Variants in NRXN1 observed in about 807,000 individuals in gnomAD.
NRXN1 encodes the protein neurexin-1.
Under a neutral mutation model 150.9 loss-of-function variants are expected in NRXN1, and 39 were observed. The observed-to-expected ratio is 0.26, with a 90% CI of 0.20 to 0.34. NRXN1 has a LOEUF of 0.34. Among genes scored for constraint, NRXN1 ranks in the 10% least tolerant of loss-of-function variants. NRXN1 has a pLI of 1.00. For missense variants in NRXN1, 1,815 were observed against 1,949.9 expected (o/e 0.93, Z 1.30); for synonymous variants, 924 against 757.0 (o/e 1.22, Z -3.62).
chr2:50,978,300 ATATAT>A (rs1324839231), intron 2 of NRXN1, among the ~76,000 whole-genome samples: 14 of 131,890 alleles, frequency 1.1e-4, no homozygotes, highest in African/African-American at 3.5e-4. Context: ...ATATATATAT[ATATAT>A]AAAATATATA....
chr2:50,504,970 A>T (rs2092144673), intron 13 of NRXN1, among the ~76,000 whole-genome samples: 1 of 152,174 alleles, frequency 6.6e-6, no homozygotes, highest in African/African-American at 2.4e-5. Context: ...TTTAAACAAT[A>T]CCCAAAACCA....
At chr2:50,062,594 G>A (rs1694719968) in intron 19 of NRXN1, among the ~76,000 whole-genome samples, 1 of 152,028 alleles carries the variant, frequency 6.6e-6, no homozygotes, top group South Asian at 2.1e-4. Context: ...TAATTACAAA[G>A]AATCAAGGTA....
intron 15 of NRXN1, among the ~76,000 whole-genome samples, chr2:50,477,164 G>C (rs2090058727): frequency 6.6e-6 from 1 of 152,042 alleles, no homozygotes; most frequent in Non-Finnish European, 1.5e-5. Flanking sequence ...GAAGAGAGGA[G>C]TTTTCAGTTA....
chr2:50,465,372 T>G, intron 17 of NRXN1, 70 bp downstream of exon 17: 1 of 1,459,374 alleles, frequency 6.9e-7, no homozygotes. Context: ...CTTTCAGTGT[T>G]AGACTTTAGA....
chr2:50,804,188 A>T (rs548403354), intron 5 of NRXN1, among the ~76,000 whole-genome samples: 1 of 152,290 alleles, frequency 6.6e-6, no homozygotes, highest in East Asian at 1.9e-4. Flanking sequence ...AAATTTTCAA[A>T]TTTTATTAAT....
intron 18 of NRXN1, among the ~76,000 whole-genome samples, chr2:50,131,517 T>C (rs567923521): frequency 2.0e-5 from 3 of 152,294 alleles, no homozygotes; most frequent in Middle Eastern, 3.4e-3. Flanking sequence ...ATGGACCTTG[T>C]CTTGTACATC....
At chr2:50,963,915 T>TTTAATGA (rs1275563815) in intron 2 of NRXN1, 2 of 380,120 alleles carry the variant, frequency 5.3e-6, no homozygotes, top group Non-Finnish European at 1.0e-5. Flanking sequence ...TGAATTATGG[T>TTTAATGA]ATCCTTGCAC....
At chr2:50,155,609 G>T (rs2152778303) in intron 18 of NRXN1, among the ~76,000 whole-genome samples, 1 of 151,544 alleles carries the variant, frequency 6.6e-6, no homozygotes, top group Non-Finnish European at 1.5e-5. Context: ...CTTTAAGATT[G>T]GATAGTATTT....
chr2:50,735,933 C>T (rs140693641), intron 5 of NRXN1, among the ~76,000 whole-genome samples: 47 of 152,278 alleles, frequency 3.1e-4, no homozygotes, highest in African/African-American at 1.1e-3. Flanking sequence ...TTTTAATGGG[C>T]TCTCAGACAT....
At chr2:50,840,528 A>C (rs1672720160) in intron 5 of NRXN1, among the ~76,000 whole-genome samples, 1 of 152,058 alleles carries the variant, frequency 6.6e-6, no homozygotes, top group African/African-American at 2.4e-5. Context: ...TCAAGGAAAA[A>C]CACGTCTCGG....
At position 50,327,470 on chromosome 2, in the gene NRXN1, T is replaced by C. The variant is rs183662777; in HGVS notation, c.3365-90500A>G. On this transcript the variant is annotated intron_variant, in intron 17 of 22. Coordinates refer to ENST00000401669, the MANE Select transcript of NRXN1 (RefSeq NM_001330078.2). ...TGTGGGTAGTAAACACATGTGGGTA[T>C]ATATAGGTTAAAATTATTCCACTGA... is the stretch of plus-strand genomic sequence containing the variant. 2.8e-3 allele frequency among the ~76,000 whole-genome samples: 433 copies of C among 152,256 alleles called. 2 individuals carry two copies. Among genetic ancestry groups the C allele is most frequent in the Admixed American group, 4.8e-3 (73 of 15,278 alleles).
chr2:50,440,643 A>G (rs1469458526), intron 17 of NRXN1, among the ~76,000 whole-genome samples: 2 of 151,524 alleles, frequency 1.3e-5, no homozygotes, highest in African/African-American at 4.9e-5. Context: ...TGAACAAAGA[A>G]CTCCTCCTTC....
At chr2:50,016,617 G>A (rs1573426856) in intron 21 of NRXN1, 1 of 152,126 alleles carries the variant, frequency 6.6e-6, no homozygotes, top group South Asian at 2.1e-4. Context: ...GGAAATGCCA[G>A]ATGCTTATAA....
chr2:50,384,539 A>T (rs1211446391), intron 17 of NRXN1, among the ~76,000 whole-genome samples: 1 of 146,736 alleles, frequency 6.8e-6, no homozygotes, highest in Non-Finnish European at 1.5e-5. Context: ...AAAAAAATGC[A>T]TCCTCTACAT....
At chr2:50,024,784 C>A (rs1688046240) in intron 21 of NRXN1, among the ~76,000 whole-genome samples, 1 of 151,986 alleles carries the variant, frequency 6.6e-6, no homozygotes, top group South Asian at 2.1e-4. Flanking sequence ...TTGACTACTT[C>A]TTGAATTTTT....
intron 5 of NRXN1, among the ~76,000 whole-genome samples, chr2:50,746,244 C>G (rs140332384): frequency 3.2e-4 from 49 of 152,084 alleles, no homozygotes; most frequent in African/African-American, 1.2e-3. Flanking sequence ...GGCTGGTGAG[C>G]AAGCGTACTA....
intron 5 of NRXN1, among the ~76,000 whole-genome samples, chr2:50,711,453 A>G (rs1444613164): frequency 6.7e-6 from 1 of 149,618 alleles, no homozygotes; most frequent in African/African-American, 2.5e-5. Flanking sequence ...CTCCTGTCTC[A>G]GCCTCCTGAG....
At chr2:50,456,878 T>A (rs2087618491) in intron 17 of NRXN1, among the ~76,000 whole-genome samples, 1 of 152,138 alleles carries the variant, frequency 6.6e-6, no homozygotes, top group African/African-American at 2.4e-5. Context: ...AACAACTGTA[T>A]AAAGAATAAA....
chr2:50,515,384 T>C (rs1379705079), intron 12 of NRXN1, among the ~76,000 whole-genome samples: 1 of 152,166 alleles, frequency 6.6e-6, no homozygotes, highest in African/African-American at 2.4e-5. Flanking sequence ...ATAAGGTGGA[T>C]GATACATGTA....
Sources: gnomAD v4.1 joint callset for allele counts (sites outside exome capture counted in the v4.1 genomes callset) on GRCh38, gnomAD v4.1.1 for gene constraint, MANE v1.5 for transcripts, NCBI Gene and HGNC (gene_info 2026-07-23, HGNC 2026-07-21) for gene names.